The following LIG3 variants were observed in gnomAD, a reference collection of about 807,000 sequenced individuals.
LIG3 encodes the protein DNA ligase 3.
Under a neutral mutation model 110.9 loss-of-function variants are expected in LIG3, and 58 were observed. That is an observed-to-expected ratio of 0.52 (90% confidence interval 0.42 to 0.65). The LOEUF is 0.65. Ranked by LOEUF, LIG3 falls within the 30% of genes least tolerant of loss-of-function variation. The probability of loss-of-function intolerance (pLI) is 0.00; values close to 1 mark genes in which losing one functional copy is unlikely to be tolerated. For missense variants in LIG3, 1,094 were observed against 1,273.8 expected (o/e 0.86, Z 2.15); for synonymous variants, 422 against 472.8 (o/e 0.89, Z 1.39).
chr17:34,996,542 A>G (rs779311712), intron 10 of LIG3, 32 bp from the exon 11 acceptor site: 12 of 1,557,848 alleles, frequency 7.7e-6, no homozygotes, highest in Admixed American at 6.7e-5. Context: ...CTTTTGTCCT[A>G]TGTGTACCTA....
Position 35,009,335 on chromosome 17 carries a change from C to T in LIG3, c.*4829C>T, listed in dbSNP as rs1326378858. On this transcript the variant is annotated 3_prime_UTR_variant, in exon 20 of 20. Transcript: ENST00000378526. Reference sequence around the variant, plus strand: ...CTTATTAGTTTGGATCCAACTATTCCAATGTATTATGAACCAGTCAGCTAT... The same window carrying T: ...CTTATTAGTTTGGATCCAACTATTCTAATGTATTATGAACCAGTCAGCTAT... 1 of 152,104 alleles carries T rather than the reference C, an allele frequency of 6.6e-6. No homozygotes were observed. The highest frequency in any genetic ancestry group is 2.4e-5 in the African/African-American group (1 of 41,386). 9.4% of individuals were successfully genotyped at this position (152,104 alleles called of 1,614,324 possible).
In LIG3 at chr17:34,980,513, C is replaced by A; in HGVS notation, c.-114C>A. ...TCTTGCGCCTGCGCGCTGCCTCCCG[C>A]TCTAGGACCCGGATTTAAAGAGACA... is the stretch of plus-strand genomic sequence containing the variant. On this transcript the variant is annotated 5_prime_UTR_variant, in exon 1 of 20. Transcript: ENST00000378526. 7 of 1,271,704 alleles carry A rather than the reference C, an allele frequency of 5.5e-6. No individual in the cohort carries two copies. Among genetic ancestry groups the A allele is most frequent in the Non-Finnish European group, 7.2e-6 (7 of 974,764 alleles). 78.8% of individuals were successfully genotyped at this position (1,271,704 alleles called of 1,614,324 possible). A position where few individuals can be genotyped will look rare whatever the true frequency, so the allele number is the denominator to read the frequency against.
rs781093287 is a variant in LIG3, at chr17:35,007,736, CT to C, written c.*3244del. The C allele has an allele frequency of 3.4e-3, 486 of 143,962 alleles. No homozygotes were observed. Among genetic ancestry groups the C allele is most frequent in the Non-Finnish European group, 3.6e-3 (233 of 65,046 alleles). 8.9% of individuals were successfully genotyped at this position (143,962 alleles called of 1,614,324 possible). A position where few individuals can be genotyped will look rare whatever the true frequency, so the allele number is the denominator to read the frequency against. The stretch of plus-strand genomic sequence containing the variant: ...CAGTCTGTCACGAGGCTGGGCCAAC[CT>C]TTTTTTTTTTTTTAAACAGACTCTT... On this transcript the variant is annotated 3_prime_UTR_variant, in exon 20 of 20. Transcript: ENST00000378526.
downstream of LIG3, chr17:35,010,686 A>T (rs2090931850): frequency 6.7e-6 from 1 of 149,488 alleles, no homozygotes; most frequent in Admixed American, 6.7e-5. Context: ...TGGGAGGTGG[A>T]GGTTGCAGTA....
chr17:34,998,005 G>C, intron 12 of LIG3, 180 bp downstream of exon 12: 1 of 659,362 alleles, frequency 1.5e-6, no homozygotes, highest in East Asian at 2.7e-5. Context: ...GTAGGGCATG[G>C]AAATCCTTCC....
rs1481310986 is a variant in LIG3 at position 35,005,639 on chromosome 17, G to T, written c.*1133G>T. On this transcript the variant is annotated 3_prime_UTR_variant, in exon 20 of 20. Transcript: ENST00000378526. ...GCACCAAATATCCCAAAACTCAATC[G>T]ATTTTTTTTCTTCTATTCATTGGAT... is the stretch of plus-strand genomic sequence containing the variant. 1 of 573,488 alleles carries T rather than the reference G, an allele frequency of 1.7e-6. No homozygotes were observed. The highest frequency in any genetic ancestry group is 1.4e-5 in the South Asian group (1 of 72,810). 35.5% of individuals were successfully genotyped at this position (573,488 alleles called of 1,614,324 possible).
intron 3 of LIG3, among the ~76,000 whole-genome samples, chr17:34,986,796 T>G (rs1247332150): frequency 6.6e-6 from 1 of 152,206 alleles, no homozygotes; most frequent in Admixed American, 6.5e-5. Context: ...AGAAATTGTT[T>G]CCCTGAATAT....
At chr17:34,998,967 T>C (rs1237765894) in intron 14 of LIG3, 10 of 520,090 alleles carry the variant, frequency 1.9e-5, no homozygotes, top group Non-Finnish European at 3.0e-5. Context: ...CACCAATTAT[T>C]TCGTCAGGGC....
intron 18 of LIG3, 24 bp from the exon 19 acceptor site, chr17:35,002,644 C>T (rs1228551509): frequency 6.2e-7 from 1 of 1,607,678 alleles, no homozygotes; most frequent in South Asian, 1.1e-5. Context: ...CACCACCACA[C>T]CCAGCTTCCT....
chr17:35,004,680 C>T lies in LIG3; in HGVS notation c.*174C>T, dbSNP rs575304584. 7.3e-5 allele frequency: 43 copies of T among 593,004 alleles called. 1 individual carries two copies. In the South Asian group the frequency reaches 8.9e-4, roughly 12 times the overall value. 36.7% of individuals were successfully genotyped at this position (593,004 alleles called of 1,614,324 possible). On this transcript the variant is annotated 3_prime_UTR_variant, in exon 20 of 20. Coordinates refer to ENST00000378526, the MANE Select transcript of LIG3 (RefSeq NM_013975.4). ...GAATTAGTTGCTGTGGGTGCCACAG[C>T]TGAAGTCAGTTTGTCTTGCTGGTTT...
rs2090884781 is a variant in LIG3, at chr17:35,005,096, T to C, written c.*590T>C. The C allele has an allele frequency of 5.9e-6, 2 of 339,546 alleles. No individual in the cohort carries two copies. Among genetic ancestry groups the C allele is most frequent in the Admixed American group, 7.6e-5 (2 of 26,260 alleles). The allele number at this position is 339,546 out of a possible 1,614,324, so 21.0% of individuals were successfully genotyped here. ...GTGTTCTCCTATTACATGGTGAGGA[T>C]CCCCAGTTTGAAGGGAGGGGACTAG... On this transcript the variant is annotated 3_prime_UTR_variant, in exon 20 of 20. Coordinates refer to ENST00000378526, the MANE Select transcript of LIG3 (RefSeq NM_013975.4).
rs999538119 is a variant in LIG3, at chr17:34,994,290, G to A, written c.1470G>A (p.Lys490=). The A allele has an allele frequency of 6.2e-7, 1 of 1,612,932 alleles. No homozygotes were observed. The highest frequency in any genetic ancestry group is 1.1e-5 in the South Asian group (1 of 90,956). The change falls in exon 9 of 20, where the codon AAG becomes AAA. Residue 490 remains lysine, a synonymous_variant. Coordinates refer to ENST00000378526, the MANE Select transcript of LIG3 (RefSeq NM_013975.4). ...PVQPMLAEAC[K]SVEYAMKKCP... ...CCCACCCCAAGGCGGAGGCCTGCAA[G>A]TCCGTTGAGTATGCAATGAAGAAAT... is the stretch of plus-strand genomic sequence containing the variant.
intron 10 of LIG3, 71 bp from the exon 11 acceptor site, chr17:34,996,503 G>A: frequency 8.1e-7 from 1 of 1,239,028 alleles, no homozygotes; most frequent in South Asian, 1.2e-5. Context: ...TCCAGAAGTG[G>A]ACTGGTACTC....
chr17:34,998,312 T>C lies in LIG3; in HGVS notation c.1989+16T>C. ...GGATGTGAAGGTAAAGTGGCCTCGC[T>C]TGGCTTCTCCTGTCGACTCACTCGC... On this transcript the variant is annotated intron_variant, in intron 13 of 19. Coordinates refer to ENST00000378526, the MANE Select transcript of LIG3 (RefSeq NM_013975.4). The C allele has an allele frequency of 1.2e-6, 2 of 1,607,068 alleles. No homozygotes were observed. Among genetic ancestry groups the C allele is most frequent in the Non-Finnish European group, 1.7e-6 (2 of 1,175,576 alleles).
At chr17:34,996,524 C>G in intron 10 of LIG3, 50 bp from the exon 11 acceptor site, 1 of 1,449,302 alleles carries the variant, frequency 6.9e-7, no homozygotes. Context: ...CTTATTTTTT[C>G]ACACTGACTT....
intron 8 of LIG3, 105 bp downstream of exon 8, chr17:34,992,797 T>A: frequency 8.6e-7 from 1 of 1,169,354 alleles, no homozygotes; most frequent in South Asian, 2.0e-5. Context: ...GCAAATTGAC[T>A]GGAGAAGTTT....
chr17:34,992,263 C>G (rs2090729863), intron 7 of LIG3, among the ~76,000 whole-genome samples: 3 of 152,236 alleles, frequency 2.0e-5, no homozygotes, highest in Non-Finnish European at 4.4e-5. Flanking sequence ...TGAAGTGTGG[C>G]ATACGTTCAG....
chr17:34,987,311 G>A (rs763808881), intron 3 of LIG3, among the ~76,000 whole-genome samples: 1 of 152,178 alleles, frequency 6.6e-6, no homozygotes. Context: ...TTCTTCTTCA[G>A]TTAACCCTAG....
chr17:34,990,843 T>A (rs1025295962), intron 4 of LIG3, 120 bp from the exon 5 acceptor site: 2 of 860,606 alleles, frequency 2.3e-6, no homozygotes, highest in Non-Finnish European at 3.6e-6. Flanking sequence ...GCAATTCTCC[T>A]GCTTCGGCCT....
Sources: allele counts gnomAD v4.1 joint callset (sites outside exome capture counted in the v4.1 genomes callset), GRCh38; gene constraint gnomAD v4.1.1; transcripts MANE v1.5; gene names NCBI Gene and HGNC (gene_info 2026-07-23, HGNC 2026-07-21).